CDH3: variants seen among roughly 807,000 people sequenced by gnomAD.
The protein encoded by CDH3 is cadherin 3, also known as cadherin-3.
A neutral mutation model predicts 82.0 loss-of-function variants in CDH3; 54 were observed. That is an observed-to-expected ratio of 0.66 (90% CI 0.53 to 0.83). The LOEUF (loss-of-function observed/expected upper bound fraction) is 0.83. Among genes scored for constraint, CDH3 ranks in the 40% least tolerant of loss-of-function variants. CDH3 has a pLI of 0.00. For missense variants in CDH3, 1,054 were observed against 1,084.6 expected, an observed-to-expected ratio of 0.97 and a Z score of 0.40; for synonymous variants, 446 against 437.9, an observed-to-expected ratio of 1.02 and a Z score of -0.23.
At chr16:68,711,782 T>G (rs1211295075) in intron 1 of CDH3, among the ~76,000 whole-genome samples, 1 of 152,198 alleles carries the variant, frequency 6.6e-6, no homozygotes, top group East Asian at 1.9e-4. Flanking sequence ...GCATGGGCAC[T>G]GACTCACAGA....
Position 68,661,763 on chromosome 16 carries a change from G to A in CDH3, c.161-14622G>A, listed in dbSNP as rs781091811. Among the ~76,000 whole-genome samples, 13 of 152,136 alleles carry A rather than the reference G, an allele frequency of 8.5e-5. No homozygotes were observed. The South Asian group carries it at 1.0e-3, about 12-fold the overall frequency. On this transcript the variant is annotated intron_variant, in intron 2 of 15. Coordinates refer to ENST00000264012, the MANE Select transcript of CDH3 (RefSeq NM_001793.6). ...GAATTCAATGGCGCGATCTCAGCTC[G>A]CTGCAACCTCCGCCTCCCGGGTTCA... is the stretch of plus-strand genomic sequence containing the variant.
intron 2 of CDH3, among the ~76,000 whole-genome samples, chr16:68,722,837 G>A (rs1365234778): frequency 6.6e-6 from 1 of 151,946 alleles, no homozygotes; most frequent in African/African-American, 2.4e-5. Flanking sequence ...TGCTCAGGCT[G>A]GAGTGGAATG....
At chr16:68,654,548 C>G (rs1268408563) in intron 2 of CDH3, among the ~76,000 whole-genome samples, 1 of 139,182 alleles carries the variant, frequency 7.2e-6, no homozygotes, top group Admixed American at 7.2e-5. Context: ...ACTAAAAATA[C>G]AAAAATTAGC....
intron 14 of CDH3, among the ~76,000 whole-genome samples, 153 bp downstream of exon 14, chr16:68,695,538 T>C (rs1961695675): frequency 6.6e-6 from 1 of 152,234 alleles, no homozygotes; most frequent in African/African-American, 2.4e-5. Flanking sequence ...AGCACTTCTC[T>C]GGTCCATTGC....
intron 12 of CDH3, among the ~76,000 whole-genome samples, chr16:68,690,133 C>T (rs1475964403): frequency 6.6e-6 from 1 of 152,184 alleles, no homozygotes; most frequent in African/African-American, 2.4e-5. Context: ...CTGGGCCTGG[C>T]TTCTGCTCTG....
chr16:68,712,032 G>GTTTT (rs1322776953), intron 1 of CDH3, among the ~76,000 whole-genome samples: 28 of 86,042 alleles, frequency 3.3e-4, no homozygotes, highest in African/African-American at 1.2e-3. Flanking sequence ...GGGTTTTTTT[G>GTTTT]TTTTCTTTTT....
chr16:68,682,328 A>G lies in CDH3; in HGVS notation c.1023A>G (p.Ala341=). The G allele has an allele frequency of 6.2e-7, 1 of 1,613,966 alleles. No homozygotes were observed. Among genetic ancestry groups the G allele is most frequent in the Non-Finnish European group, 8.5e-7 (1 of 1,180,012 alleles). Residue 341 remains alanine, a synonymous_variant, in exon 9 of 16, where the codon GCA becomes GCG. Transcript: ENST00000264012. ...ACGAGGCCCATGTGCCTGAGAATGCAGTGGGCCATGAGGTGCAGAGGCTGA... is the reference window on the plus strand; with the variant it reads ...ACGAGGCCCATGTGCCTGAGAATGCGGTGGGCCATGAGGTGCAGAGGCTGA... ...QKYEAHVPEN[A]VGHEVQRLTV...
At chr16:68,703,289 T>A (rs1220719910), downstream of CDH3, among the ~76,000 whole-genome samples, 3 of 152,084 alleles carry the variant, frequency 2.0e-5, no homozygotes, top group East Asian at 5.8e-4. Context: ...GGCCCCCCAT[T>A]TCTAGGCATG....
chr16:68,730,448 C>T (rs570709744), downstream of CDH3, among the ~76,000 whole-genome samples: 19 of 151,884 alleles, frequency 1.3e-4, no homozygotes, highest in South Asian at 8.4e-4. Context: ...ATTGCTTGAA[C>T]CCAGGAGACG....
At chr16:68,675,917 A>G (rs1323885587) in intron 2 of CDH3, among the ~76,000 whole-genome samples, 1 of 152,202 alleles carries the variant, frequency 6.6e-6, no homozygotes, top group Admixed American at 6.5e-5. Context: ...GCTTGTTTAA[A>G]GAGTAGCCAA....
At chr16:68,674,182 C>T (rs1960968588) in intron 2 of CDH3, among the ~76,000 whole-genome samples, 1 of 152,178 alleles carries the variant, frequency 6.6e-6, no homozygotes, top group South Asian at 2.1e-4. Context: ...TCCCTCTATC[C>T]TTGCCAACAC....
chr16:68,718,574 C>T (rs368859508), intron 1 of CDH3, among the ~76,000 whole-genome samples: 66 of 152,012 alleles, frequency 4.3e-4, no homozygotes, highest in African/African-American at 1.3e-3. Flanking sequence ...CCCAGCTACT[C>T]GGGAGGCTGA....
downstream of CDH3, among the ~76,000 whole-genome samples, chr16:68,704,027 T>C (rs1238964047): frequency 2.0e-5 from 3 of 149,666 alleles, no homozygotes; most frequent in South Asian, 2.1e-4. Flanking sequence ...TGGCTCACGC[T>C]TGTAATCCCA....
chr16:68,720,878 C>T (rs1962154733), intron 1 of CDH3, among the ~76,000 whole-genome samples: 1 of 152,030 alleles, frequency 6.6e-6, no homozygotes, highest in African/African-American at 2.4e-5. Context: ...CCTCGGCCTC[C>T]CAAAGTGCTG....
In CDH3 at chr16:68,686,740, T is replaced by G. The variant is rs1314470414; in HGVS notation, c.1571-772T>G. 29 of 699,712 alleles carry G rather than the reference T, an allele frequency of 4.1e-5. No homozygotes were observed. In the East Asian group the frequency reaches 5.7e-4, roughly 14 times the overall value. 43.3% of individuals were successfully genotyped at this position (699,712 alleles called of 1,614,324 possible). A position where few individuals can be genotyped will look rare whatever the true frequency, so the allele number is the denominator to read the frequency against. Reference sequence around the variant, plus strand: ...GTGAAGCTGCCCATTCCACTGAAGTTCTGAAACCTTTCATCATGTAAATAA... The same window carrying G: ...GTGAAGCTGCCCATTCCACTGAAGTGCTGAAACCTTTCATCATGTAAATAA... On this transcript the variant is annotated intron_variant, in intron 11 of 15. Coordinates refer to ENST00000264012, the MANE Select transcript of CDH3 (RefSeq NM_001793.6).
the CDH3 span, among the ~76,000 whole-genome samples, chr16:68,733,133 T>C: frequency 6.6e-6 from 1 of 152,184 alleles, no homozygotes; most frequent in South Asian, 2.1e-4. Context: ...GAAACCAAGA[T>C]GGTGGAGATA....
At position 68,698,386 on chromosome 16, in the gene CDH3, G is replaced by T. The variant is rs561914735; in HGVS notation, c.2476G>T (p.Gly826Trp). ...GAAGCTGGCAGACATGTACGGTGGC[G>T]GGGAGGACGACTAGGCGGCCTGCCT... ...FKKLADMYGG[G>W]EDD is the part of the protein sequence containing the mutation. Residue 826 changes from glycine (G) to tryptophan (W), a missense_variant, in exon 16 of 16, where the codon GGG (glycine) becomes TGG (tryptophan). By Grantham distance (184) the Gly-to-Trp change is radical. Coordinates refer to ENST00000264012, the MANE Select transcript of CDH3 (RefSeq NM_001793.6). The T allele has an allele frequency of 1.2e-6, 2 of 1,613,886 alleles. No homozygotes were observed. The highest frequency in any genetic ancestry group is 1.3e-5 in the African/African-American group (1 of 74,930).
chr16:68,733,012 G>A, the CDH3 span, among the ~76,000 whole-genome samples: 17 of 152,124 alleles, frequency 1.1e-4, no homozygotes, highest in Non-Finnish European at 2.4e-4. Context: ...ATTTTTCCTA[G>A]AACTGGAAAG....
chr16:68,684,471 T>C (rs1162008401), intron 9 of CDH3, 112 bp from the exon 10 acceptor site: 51 of 1,235,396 alleles, frequency 4.1e-5, no homozygotes, highest in Non-Finnish European at 5.9e-5. Context: ...CTGTTGCTAG[T>C]GAGGGCCTCA....
Sources: gnomAD v4.1 joint callset for allele counts (sites outside exome capture counted in the v4.1 genomes callset) on GRCh38, gnomAD v4.1.1 for gene constraint, MANE v1.5 for transcripts, NCBI Gene and HGNC (gene_info 2026-07-23, HGNC 2026-07-21) for gene names.